Variants in PTDSS2 observed in about 807,000 individuals in gnomAD.
PTDSS2 encodes the protein phosphatidylserine synthase 2.
A neutral mutation model predicts 64.7 loss-of-function variants in PTDSS2; 41 were observed. That is an observed-to-expected ratio of 0.63 (90% confidence interval 0.49 to 0.82). The LOEUF (loss-of-function observed/expected upper bound fraction) is 0.82. Among genes scored for constraint, PTDSS2 ranks in the 40% least tolerant of loss-of-function variants. The probability of loss-of-function intolerance (pLI) is 0.00; values close to 1 mark genes in which losing one functional copy is unlikely to be tolerated. For missense variants in PTDSS2, 485 were observed against 650.0 expected (o/e 0.75, Z 2.76); for synonymous variants, 297 against 277.8 (o/e 1.07, Z -0.69).
chr11:489,936 C>A lies in PTDSS2; in HGVS notation c.1169C>A (p.Ala390Asp). 6.2e-7 allele frequency: 1 copy of A among 1,607,528 alleles called. No homozygotes were observed. The highest frequency in any genetic ancestry group is 8.5e-7 in the Non-Finnish European group (1 of 1,178,668). Residue 390 changes from alanine (A) to aspartate (D), a missense_variant, in exon 11 of 12, where the codon GCC (alanine) becomes GAC (aspartate). Ala to Asp is a moderately radical substitution (Grantham distance 126, BLOSUM62 -2). Coordinates refer to ENST00000308020, the MANE Select transcript of PTDSS2 (RefSeq NM_030783.3). The part of the protein sequence containing the change: ...PQAWLVAAIT[A>D]TELLIVVKYD... ...GCCTGGCTGGTGGCGGCCATCACGG[C>A]CACGGAGCTGCTCATCGTGGTGAAG...
Position 460,258 on chromosome 11 carries a change from C to T in PTDSS2, c.254C>T (p.Thr85Ile), listed in dbSNP as rs1424589438. The stretch of plus-strand genomic sequence containing the variant: ...GGCTATGTGACGCTGCTGGAGGAAA[C>T]ACCTCAGGACACGGCCTACAACACC... ...TLGYVTLLEETPQDTAYNTKR... is the reference protein window; with the variant it reads ...TLGYVTLLEEIPQDTAYNTKR... The change falls in exon 2 of 12, where the codon ACA becomes ATA. Residue 85 changes from threonine (T) to isoleucine (I), a missense_variant. Physicochemically the swap from Thr to Ile is moderately conservative, Grantham distance 89. Coordinates refer to ENST00000308020, the MANE Select transcript of PTDSS2 (RefSeq NM_030783.3). The surrounding 1 kb of genome is among the most constrained non-coding windows in gnomAD (Gnocchi z 5.8). The T allele has an allele frequency of 6.2e-7, 1 of 1,614,160 alleles. No individual in the cohort carries two copies. The highest frequency in any genetic ancestry group is 1.7e-5 in the Admixed American group (1 of 60,024).
intron 1 of PTDSS2, chr11:459,875 C>A (rs908374777): frequency 1.4e-4 from 51 of 369,642 alleles, no homozygotes; most frequent in African/African-American, 1.0e-3. Flanking sequence ...TCCAGTTGCT[C>A]TTAATAGCAG....
At position 460,540 on chromosome 11, in the gene PTDSS2, G is replaced by A. The variant is rs113696918; in HGVS notation, c.284+252G>A. ...AGTCTGTGTCATCTCCACGTGACCG[G>A]CAGCCTGTGCTGCGTTTCCTCTGAG... On this transcript the variant is annotated intron_variant, in intron 2 of 11. Coordinates refer to ENST00000308020, the MANE Select transcript of PTDSS2 (RefSeq NM_030783.3). This position sits in a 1 kb window ranked among gnomAD's most constrained non-coding sequence, Gnocchi z 5.8. 861 of 473,492 alleles carry A rather than the reference G, an allele frequency of 1.8e-3. 8 individuals carry two copies. The highest frequency in any genetic ancestry group is 0.015 in the African/African-American group (790 of 51,190). 29.3% of individuals were successfully genotyped at this position (473,492 alleles called of 1,614,324 possible).
At position 476,052 on chromosome 11, in the gene PTDSS2, C is replaced by G. The variant is rs1237045132; in HGVS notation, c.367+2075C>G. ...GCCATGGTGGTGAGTGAAGCTCCCC[C>G]ACCCACAGAGGCCCTGAGCAGGGAG... On this transcript the variant is annotated intron_variant, in intron 3 of 11. Coordinates refer to ENST00000308020, the MANE Select transcript of PTDSS2 (RefSeq NM_030783.3). The surrounding 1 kb of genome is among the most constrained non-coding windows in gnomAD (Gnocchi z 4.9). Among the ~76,000 whole-genome samples the G allele has an allele frequency of 2.0e-5, 3 of 152,232 alleles. No homozygotes were observed. Among genetic ancestry groups the G allele is most frequent in the Non-Finnish European group, 4.4e-5 (3 of 68,040 alleles).
chr11:481,808 C>T (rs1313386626), intron 4 of PTDSS2, among the ~76,000 whole-genome samples: 1 of 151,654 alleles, frequency 6.6e-6, no homozygotes, highest in Non-Finnish European at 1.5e-5. Context: ...GATAGTTTTA[C>T]CTGTTCCTTT....
intron 1 of PTDSS2, among the ~76,000 whole-genome samples, chr11:452,596 A>G (rs1013228349): frequency 6.6e-6 from 1 of 152,206 alleles, no homozygotes; most frequent in Non-Finnish European, 1.5e-5. Context: ...TGGCTGGTCC[A>G]GGTACCTCCT....
chr11:477,888 C>T lies in PTDSS2; in HGVS notation c.368-1197C>T, dbSNP rs545499378. Among the ~76,000 whole-genome samples the T allele has an allele frequency of 7.9e-5, 12 of 152,356 alleles. No homozygotes were observed. In the East Asian group the frequency reaches 1.2e-3, roughly 15 times the overall value. On this transcript the variant is annotated intron_variant, in intron 3 of 11. Transcript: ENST00000308020. ...TGAGGAAGAAGTTTGTGATCTCAGT[C>T]GTCTGTCTTGGGTCCCAGACCTCCC...
intron 3 of PTDSS2, among the ~76,000 whole-genome samples, chr11:474,615 G>A (rs1009156143): frequency 6.6e-6 from 1 of 152,158 alleles, no homozygotes; most frequent in Non-Finnish European, 1.5e-5. Context: ...AGAGCATCCC[G>A]CCAATCTCAG....
At chr11:455,294 A>G (rs796462243) in intron 1 of PTDSS2, among the ~76,000 whole-genome samples, 48 of 152,284 alleles carry the variant, frequency 3.2e-4, no homozygotes, top group African/African-American at 1.0e-3. Context: ...TACTGCCCAG[A>G]GTGAGAACCC....
chr11:481,195 AG>A (rs1333292643), intron 4 of PTDSS2, among the ~76,000 whole-genome samples: 1 of 151,780 alleles, frequency 6.6e-6, no homozygotes, highest in Non-Finnish European at 1.5e-5. Context: ...ACAGTTTCTC[AG>A]GCCCCTTGTT....
At chr11:487,117 G>T (rs777786076) in intron 5 of PTDSS2, 44 bp downstream of exon 5, 4 of 1,574,102 alleles carry the variant, frequency 2.5e-6, no homozygotes, top group Non-Finnish European at 3.5e-6. Context: ...CCCAGGTGTG[G>T]CCCCGTGCCG....
chr11:476,397 A>T lies in PTDSS2; in HGVS notation c.367+2420A>T, dbSNP rs1429846340. Among the ~76,000 whole-genome samples the T allele has an allele frequency of 6.6e-6, 1 of 152,216 alleles. No individual in the cohort carries two copies. Among genetic ancestry groups the T allele is most frequent in the African/African-American group, 2.4e-5 (1 of 41,468 alleles). ...CGGTGATGGTGAGAAACTTCCCGGC[A>T]CACAGTGAAAAGCCTGGTGCAGTTA... On this transcript the variant is annotated intron_variant, in intron 3 of 11. Transcript: ENST00000308020. This position sits in a 1 kb window ranked among gnomAD's most constrained non-coding sequence, Gnocchi z 4.9.
In PTDSS2 at chr11:460,480, C is replaced by G; in HGVS notation, c.284+192C>G. The G allele has an allele frequency of 3.6e-6, 2 of 563,184 alleles. No homozygotes were observed. Among genetic ancestry groups the G allele is most frequent in the Non-Finnish European group, 6.4e-6 (2 of 312,500 alleles). 34.9% of individuals were successfully genotyped at this position (563,184 alleles called of 1,614,324 possible). ...TGCCCTTGGTGCTGCGTGGCGTTCCCGGTCAGCCCCCGTCGCCTGTCACTG... is the reference window on the plus strand; with the variant it reads ...TGCCCTTGGTGCTGCGTGGCGTTCCGGGTCAGCCCCCGTCGCCTGTCACTG... On this transcript the variant is annotated intron_variant, in intron 2 of 11. Transcript: ENST00000308020. The surrounding 1 kb of genome is among the most constrained non-coding windows in gnomAD (Gnocchi z 5.8).
chr11:477,706 C>T (rs568822112), intron 3 of PTDSS2, among the ~76,000 whole-genome samples: 1 of 152,336 alleles, frequency 6.6e-6, no homozygotes, highest in Non-Finnish European at 1.5e-5. Context: ...TAGCTGTCCC[C>T]TCAGAGAGCG....
At position 450,329 on chromosome 11, in the gene PTDSS2, A is replaced by AC. The variant is rs886211366; in HGVS notation, c.-123dup. ...GCCGGCCCCGCGCTGCTCTCCTAAG[A>AC]CCCCGCGGGCCAGCGCCGCGACCCC... is the stretch of plus-strand genomic sequence containing the variant. On this transcript the variant is annotated 5_prime_UTR_variant, in exon 1 of 12. An upstream open reading frame in the 5' UTR loses its in-frame stop. Transcript: ENST00000308020. 2.7e-5 allele frequency: 22 copies of AC among 815,232 alleles called. No homozygotes were observed. Among genetic ancestry groups the AC allele is most frequent in the Admixed American group, 8.9e-5 (2 of 22,360 alleles). The allele number at this position is 815,232 out of a possible 1,614,324, so 50.5% of individuals were successfully genotyped here.
chr11:474,083 T>C, intron 3 of PTDSS2, 106 bp downstream of exon 3: 2 of 969,922 alleles, frequency 2.1e-6, no homozygotes, highest in Non-Finnish European at 3.3e-6. Context: ...CCCCTCCGCC[T>C]GGCCCCTCCC....
intron 9 of PTDSS2, 27 bp from the exon 10 acceptor site, chr11:489,561 G>A: frequency 6.2e-7 from 1 of 1,608,390 alleles, no homozygotes; most frequent in South Asian, 1.1e-5. Flanking sequence ...GGGGGCCAGA[G>A]CTGGTGCTCA....
At chr11:488,157 G>A (rs1848488047) in intron 6 of PTDSS2, 42 bp from the exon 7 acceptor site, 1 of 1,467,440 alleles carries the variant, frequency 6.8e-7, no homozygotes, top group African/African-American at 1.4e-5. Flanking sequence ...AGGGCCGGGT[G>A]TGGCCGGCGT....
chr11:473,750 C>CT, intron 2 of PTDSS2, 145 bp from the exon 3 acceptor site: 2 of 660,710 alleles, frequency 3.0e-6, no homozygotes, highest in South Asian at 3.5e-5. Context: ...GCGGCGGAGT[C>CT]GCCCAGCTCT....
Sources: allele counts gnomAD v4.1 joint callset (sites outside exome capture counted in the v4.1 genomes callset), GRCh38; gene constraint gnomAD v4.1.1; non-coding constraint Gnocchi (gnomAD v3.1); transcripts MANE v1.5; gene names NCBI Gene and HGNC (gene_info 2026-07-23, HGNC 2026-07-21).